The following SUGCT variants were observed in gnomAD, a reference collection of about 807,000 sequenced individuals.
SUGCT encodes succinyl-CoA:glutarate CoA-transferase.
In SUGCT, 41 loss-of-function variants were observed where a neutral mutation model predicts 55.0. The ratio of observed to expected loss-of-function variants is 0.74; its 90% CI spans 0.58 to 0.97. The LOEUF is 0.97. Among genes scored for constraint, SUGCT ranks in the 50% least tolerant of loss-of-function variants. The pLI is 0.00. For missense variants in SUGCT, 568 were observed against 547.8 expected (o/e 1.04, Z -0.37); for synonymous variants, 187 against 200.4 (o/e 0.93, Z 0.56).
At chr7:40,299,168 G>A (rs1794368139) in intron 8 of SUGCT, among the ~76,000 whole-genome samples, 1 of 152,132 alleles carries the variant, frequency 6.6e-6, no homozygotes, top group Admixed American at 6.6e-5. Flanking sequence ...CCGTAAACCA[G>A]GAGTTGCAAA....
intron 7 of SUGCT, among the ~76,000 whole-genome samples, chr7:40,251,323 G>A (rs1281024425): frequency 6.6e-6 from 1 of 152,162 alleles, no homozygotes; most frequent in Non-Finnish European, 1.5e-5. Context: ...CTTAGTAAGT[G>A]CTGTCAGGTA....
chr7:40,369,564 G>A (rs913909107), intron 9 of SUGCT, among the ~76,000 whole-genome samples: 4 of 152,162 alleles, frequency 2.6e-5, no homozygotes, highest in Admixed American at 2.6e-4. Flanking sequence ...AAGGAAGGAA[G>A]TTGAGTAAAA....
chr7:40,188,560 A>T lies in SUGCT; in HGVS notation c.292A>T (p.Ser98Cys). The part of the protein sequence containing the change: ...FVGTESTYYL[S>C]VNRNKKSIAV... ...TGGGACAGAAAGTACATATTATCTC[A>T]GTGTTAACCGAAATAAAAAAGTAAG... is the stretch of plus-strand genomic sequence containing the variant. Residue 98 changes from serine to cysteine, a missense_variant, in exon 4 of 14, where the codon AGT (serine) becomes TGT (cysteine). Ser to Cys is a moderately radical substitution (Grantham distance 112). Coordinates refer to ENST00000335693, the MANE Select transcript of SUGCT (RefSeq NM_001193313.2). 6.2e-7 allele frequency: 1 copy of T among 1,604,518 alleles called. No individual in the cohort carries two copies. The highest frequency in any genetic ancestry group is 1.3e-5 in the African/African-American group (1 of 74,434).
chr7:40,910,623 T>G, the SUGCT span, among the ~76,000 whole-genome samples: 1 of 152,062 alleles, frequency 6.6e-6, no homozygotes. Flanking sequence ...GCTCTGACAG[T>G]GTTATTTTGG....
At chr7:40,746,769 T>A (rs1177670920) in intron 12 of SUGCT, among the ~76,000 whole-genome samples, 1 of 152,220 alleles carries the variant, frequency 6.6e-6, no homozygotes, top group African/African-American at 2.4e-5. Flanking sequence ...GTTTGACACT[T>A]AACGTTTGCT....
At chr7:40,644,499 C>T (rs1157654940) in intron 12 of SUGCT, among the ~76,000 whole-genome samples, 1 of 152,164 alleles carries the variant, frequency 6.6e-6, no homozygotes, top group South Asian at 2.1e-4. Context: ...ATCTATGTTT[C>T]ACAAGAAAGG....
chr7:40,521,559 A>C lies in SUGCT; in HGVS notation c.1089+25173A>C, dbSNP rs370002978. Among the ~76,000 whole-genome samples the C allele has an allele frequency of 1.4e-3, 207 of 152,276 alleles. 5 individuals are homozygous for C. The South Asian group carries it at 0.036, about 26-fold the overall frequency. On this transcript the variant is annotated intron_variant, in intron 12 of 13. Coordinates refer to ENST00000335693, the MANE Select transcript of SUGCT (RefSeq NM_001193313.2). Reference sequence around the variant, plus strand: ...TAGGAGAAACAGGGAATAGTGAAAGAAGGAAGTTATAAACAGTAGTGACAG... The same window carrying C: ...TAGGAGAAACAGGGAATAGTGAAAGCAGGAAGTTATAAACAGTAGTGACAG...
intron 9 of SUGCT, among the ~76,000 whole-genome samples, chr7:40,370,951 G>A (rs993441958): frequency 2.6e-5 from 4 of 152,010 alleles, no homozygotes; most frequent in Admixed American, 2.6e-4. Context: ...CAGTACTGTT[G>A]TACAGGATAT....
intron 11 of SUGCT, among the ~76,000 whole-genome samples, chr7:40,477,141 G>A (rs886608731): frequency 6.6e-6 from 1 of 152,106 alleles, no homozygotes; most frequent in Non-Finnish European, 1.5e-5. Context: ...GTATAGGAAA[G>A]ATAACATCCT....
At chr7:41,014,571 G>A in the SUGCT span, among the ~76,000 whole-genome samples, 1 of 152,172 alleles carries the variant, frequency 6.6e-6, no homozygotes, top group Non-Finnish European at 1.5e-5. Flanking sequence ...TTGAGTCCCA[G>A]CTGAGGACTT....
chr7:40,153,604 G>A (rs1315697192), intron 1 of SUGCT: 1 of 517,588 alleles, frequency 1.9e-6, no homozygotes, highest in Non-Finnish European at 3.9e-6. Context: ...AGCCTCTGTG[G>A]TCTGCTACCT....
chr7:40,275,855 G>T (rs1792435743), intron 8 of SUGCT, among the ~76,000 whole-genome samples: 1 of 152,118 alleles, frequency 6.6e-6, no homozygotes, highest in Non-Finnish European at 1.5e-5. Flanking sequence ...CTTTTCACTG[G>T]ATCAGACCCA....
chr7:40,293,959 T>C (rs1275623559), intron 8 of SUGCT, among the ~76,000 whole-genome samples: 1 of 151,944 alleles, frequency 6.6e-6, no homozygotes, highest in Non-Finnish European at 1.5e-5. Flanking sequence ...TTTTTTTTTG[T>C]TTTTTTGAGT....
chr7:40,672,929 A>G (rs546959930), intron 12 of SUGCT, among the ~76,000 whole-genome samples: 16 of 152,306 alleles, frequency 1.1e-4, no homozygotes, highest in Non-Finnish European at 1.8e-4. Flanking sequence ...CACCACCACA[A>G]TCCCCCAAGC....
the SUGCT span, among the ~76,000 whole-genome samples, chr7:40,871,240 C>A: frequency 2.8e-4 from 43 of 152,194 alleles, no homozygotes; most frequent in Non-Finnish European, 5.7e-4. Context: ...TTTAAAACCA[C>A]GTGCCATTTC....
rs191056662 is a variant in SUGCT, at chr7:40,509,382, A to T, written c.1089+12996A>T. Among the ~76,000 whole-genome samples, 3 of 152,104 alleles carry T rather than the reference A, an allele frequency of 2.0e-5. No homozygotes were observed. In the East Asian group the frequency reaches 5.8e-4, roughly 29 times the overall value. On this transcript the variant is annotated intron_variant, in intron 12 of 13. Transcript: ENST00000335693. ...CTATGTGGCAGGAGATCACAAAGGGAAAAAGACCAATGGTATTTGGCTGTA... is the reference window on the plus strand; with the variant it reads ...CTATGTGGCAGGAGATCACAAAGGGTAAAAGACCAATGGTATTTGGCTGTA...
chr7:40,191,172 A>G (rs1785881247), intron 5 of SUGCT, among the ~76,000 whole-genome samples: 1 of 152,096 alleles, frequency 6.6e-6, no homozygotes, highest in Admixed American at 6.5e-5. Flanking sequence ...ATGTGCCACC[A>G]TGCCCGGCTA....
chr7:40,911,710 A>G, the SUGCT span, among the ~76,000 whole-genome samples: 2 of 152,176 alleles, frequency 1.3e-5, no homozygotes, highest in African/African-American at 2.4e-5. Context: ...TTTCCTCCCA[A>G]TTAGTGACAA....
rs186939074 is a variant in SUGCT at position 40,394,192 on chromosome 7, T to C, written c.817-55095T>C. 3.6e-3 allele frequency among the ~76,000 whole-genome samples: 546 copies of C among 152,266 alleles called. 2 individuals are homozygous for C. Among genetic ancestry groups the C allele is most frequent in the African/African-American group, 0.012 (515 of 41,548 alleles). The stretch of plus-strand genomic sequence containing the variant: ...TGTCGAACTTAAAAAAAAATAATGA[T>C]GCCGAAGTCACTCTCAGAAATTCTG... On this transcript the variant is annotated intron_variant, in intron 9 of 13. Coordinates refer to ENST00000335693, the MANE Select transcript of SUGCT (RefSeq NM_001193313.2).
Sources: allele counts gnomAD v4.1 joint callset (sites outside exome capture counted in the v4.1 genomes callset), GRCh38; gene constraint gnomAD v4.1.1; transcripts MANE v1.5; gene names NCBI Gene and HGNC (gene_info 2026-07-23, HGNC 2026-07-21).